Variants in FAM107B observed in about 807,000 individuals in gnomAD.
FAM107B encodes the protein protein FAM107B.
FAM107B carries 21 observed loss-of-function variants against 31.5 expected under a neutral mutation model. The observed-to-expected ratio is 0.67, with a 90% CI of 0.47 to 0.96. FAM107B has a LOEUF of 0.96. Ranked by LOEUF, FAM107B falls within the 40% of genes least tolerant of loss-of-function variation. The probability of loss-of-function intolerance (pLI) is 0.00; values close to 1 mark genes in which losing one functional copy is unlikely to be tolerated. For missense variants in FAM107B, 452 were observed against 377.1 expected (o/e 1.20, Z -1.64); for synonymous variants, 157 against 141.5 (o/e 1.11, Z -0.78).
intron 3 of FAM107B, 96 bp downstream of exon 3, chr10:14,530,236 A>AAG: frequency 7.8e-7 from 1 of 1,288,720 alleles, no homozygotes; most frequent in Admixed American, 2.6e-5. Flanking sequence ...CAAGAAATCA[A>AAG]AGACTCTTTG....
chr10:14,530,478 A>T lies in FAM107B; in HGVS notation c.507T>A (p.Tyr169Ter), dbSNP rs747792525. The T allele has an allele frequency of 6.2e-7, 1 of 1,613,952 alleles. No individual in the cohort carries two copies. The highest frequency in any genetic ancestry group is 1.3e-5 in the African/African-American group (1 of 75,026). Residue 169 changes from tyrosine (Y) to a stop codon, truncating the protein, a stop_gained, in exon 3 of 5, where the codon TAT (tyrosine) becomes TAA (stop). Transcript: ENST00000181796. LOFTEE classifies it high-confidence loss of function. ...PPEDIDHKDS[Y>*]LITRSIMAEP... ...CGGCCATGATGCTTCTTGTAATGAGATATGAGTCCTTATGGTCAATATCCT... is the reference window on the plus strand; with the variant it reads ...CGGCCATGATGCTTCTTGTAATGAGTTATGAGTCCTTATGGTCAATATCCT...
At chr10:14,611,305 A>G (rs1474109395) in intron 2 of FAM107B, among the ~76,000 whole-genome samples, 1 of 152,080 alleles carries the variant, frequency 6.6e-6, no homozygotes, top group African/African-American at 2.4e-5. Context: ...AATTTCTGTA[A>G]ATTTCCTAAT....
intron 2 of FAM107B, among the ~76,000 whole-genome samples, chr10:14,573,094 G>A (rs1469177252): frequency 6.6e-6 from 1 of 152,130 alleles, no homozygotes; most frequent in African/African-American, 2.4e-5. Context: ...GTGCATGGCA[G>A]ACACCAGCTA....
At chr10:14,565,641 G>A (rs1850600031) in intron 2 of FAM107B, among the ~76,000 whole-genome samples, 1 of 152,156 alleles carries the variant, frequency 6.6e-6, no homozygotes, top group Non-Finnish European at 1.5e-5. Flanking sequence ...TTAGGTATGG[G>A]CTGGATACGT....
intron 2 of FAM107B, among the ~76,000 whole-genome samples, chr10:14,622,153 G>T (rs192206594): frequency 2.2e-4 from 34 of 152,206 alleles, no homozygotes; most frequent in Middle Eastern, 3.4e-3. Flanking sequence ...CATCCAACGG[G>T]GGCCAGGCAA....
chr10:14,591,015 C>G (rs1435810433), intron 2 of FAM107B, among the ~76,000 whole-genome samples: 1 of 149,312 alleles, frequency 6.7e-6, no homozygotes, highest in African/African-American at 2.5e-5. Context: ...AAAAAAAGAT[C>G]CATTTCTTCC....
chr10:14,723,364 C>T (rs1293857274), intron 1 of FAM107B: 5 of 546,584 alleles, frequency 9.1e-6, no homozygotes, highest in African/African-American at 5.7e-5. Context: ...CTGGAGCAGT[C>T]GATTTGCCCT....
intron 2 of FAM107B, among the ~76,000 whole-genome samples, chr10:14,626,276 G>A (rs188684308): frequency 6.6e-6 from 1 of 152,136 alleles, no homozygotes; most frequent in African/African-American, 2.4e-5. Context: ...TTCAATATAC[G>A]ATTCATCACA....
At chr10:14,684,996 T>C (rs1421874799) in intron 1 of FAM107B, among the ~76,000 whole-genome samples, 1 of 151,970 alleles carries the variant, frequency 6.6e-6, no homozygotes. Context: ...AATTTTTAAA[T>C]TATTTTAAAT....
intron 1 of FAM107B, among the ~76,000 whole-genome samples, chr10:14,738,291 G>A (rs1428755895): frequency 6.6e-6 from 1 of 152,296 alleles, no homozygotes; most frequent in South Asian, 2.1e-4. Context: ...AATCTGTTAC[G>A]AGTGGGAGTT....
intron 2 of FAM107B, among the ~76,000 whole-genome samples, chr10:14,573,186 A>G (rs936703241): frequency 6.6e-6 from 1 of 152,146 alleles, no homozygotes; most frequent in Admixed American, 6.5e-5. Flanking sequence ...ACTGTCTGCT[A>G]TGGTTTCACT....
chr10:14,662,946 A>G (rs953385657), intron 2 of FAM107B, among the ~76,000 whole-genome samples: 7 of 152,218 alleles, frequency 4.6e-5, no homozygotes, highest in African/African-American at 1.7e-4. Context: ...CTGGGTGGGT[A>G]CCATCTAGTC....
intron 2 of FAM107B, among the ~76,000 whole-genome samples, chr10:14,595,422 C>CTTTTTTTTTTTTTTTTTTTTTT (rs35540585): frequency 1.0e-5 from 1 of 98,148 alleles, no homozygotes. Flanking sequence ...CTAGGGCAAC[C>CTTTTTTTTTTTTTTTTTTTTTT]TTTTTTTTTT....
At chr10:14,695,884 A>G (rs191417783) in intron 1 of FAM107B, among the ~76,000 whole-genome samples, 1 of 152,270 alleles carries the variant, frequency 6.6e-6, no homozygotes, top group East Asian at 1.9e-4. Context: ...TGTGTGTGGA[A>G]TCTTTGGGGT....
intron 2 of FAM107B, among the ~76,000 whole-genome samples, chr10:14,615,120 G>C (rs1852817929): frequency 6.6e-6 from 1 of 152,150 alleles, no homozygotes; most frequent in Admixed American, 6.5e-5. Flanking sequence ...CTTGAGGTCA[G>C]GAGTTCGAGA....
At chr10:14,627,302 A>G (rs1175728724) in intron 2 of FAM107B, among the ~76,000 whole-genome samples, 2 of 152,254 alleles carry the variant, frequency 1.3e-5, no homozygotes, top group South Asian at 4.1e-4. Flanking sequence ...ATCCCAAGCT[A>G]TTTAACGTTA....
At chr10:14,731,476 C>T in intron 1 of FAM107B, among the ~76,000 whole-genome samples, 1 of 152,210 alleles carries the variant, frequency 6.6e-6, no homozygotes, top group Non-Finnish European at 1.5e-5. Flanking sequence ...ACAGGAGGAT[C>T]ACTTGAGCCC....
intron 1 of FAM107B, among the ~76,000 whole-genome samples, chr10:14,674,456 A>G (rs555493873): frequency 5.1e-4 from 77 of 152,290 alleles, no homozygotes; most frequent in African/African-American, 1.7e-3. Flanking sequence ...TGCACCCTTT[A>G]TAATGTAAAA....
At position 14,520,500 on chromosome 10, in the gene FAM107B, G is replaced by A. The variant is rs1214297723; in HGVS notation, c.*690C>T. 1 of 152,194 alleles carries A rather than the reference G, an allele frequency of 6.6e-6. No homozygotes were observed. The highest frequency in any genetic ancestry group is 2.4e-5 in the African/African-American group (1 of 41,450). 9.4% of individuals were successfully genotyped at this position (152,194 alleles called of 1,614,324 possible). A position where few individuals can be genotyped will look rare whatever the true frequency, so the allele number is the denominator to read the frequency against. On this transcript the variant is annotated 3_prime_UTR_variant, in exon 5 of 5. Transcript: ENST00000181796. ...TGAATGGACAGGATGTACCTTCTTG[G>A]AACTGGAATGTCACTATGTAGCCTG...
Sources: allele counts gnomAD v4.1 joint callset (sites outside exome capture counted in the v4.1 genomes callset), GRCh38; gene constraint gnomAD v4.1.1; transcripts MANE v1.5; gene names NCBI Gene and HGNC (gene_info 2026-07-23, HGNC 2026-07-21).